Variants in MBNL2 observed in about 807,000 individuals in gnomAD.
MBNL2 encodes the protein muscleblind-like protein 2.
In MBNL2, 17 loss-of-function variants were observed where a neutral mutation model predicts 41.9. The ratio of observed to expected loss-of-function variants is 0.41; its 90% CI spans 0.28 to 0.61. The LOEUF (loss-of-function observed/expected upper bound fraction) is 0.61. Among genes scored for constraint, MBNL2 ranks in the 20% least tolerant of loss-of-function variants. The pLI is 0.35. For missense variants in MBNL2, 336 were observed against 505.6 expected (o/e 0.66, Z 3.22); for synonymous variants, 195 against 182.9 (o/e 1.07, Z -0.53).
At chr13:97,239,464 TCA>T (rs935773791) in intron 1 of MBNL2, among the ~76,000 whole-genome samples, 3 of 152,246 alleles carry the variant, frequency 2.0e-5, no homozygotes, top group African/African-American at 7.2e-5. Flanking sequence ...TGAGTCATAC[TCA>T]CAGAAATCCA....
At chr13:97,219,608 T>C (rs1276447870), upstream of MBNL2, among the ~76,000 whole-genome samples, 1 of 152,136 alleles carries the variant, frequency 6.6e-6, no homozygotes, top group Admixed American at 6.5e-5. Flanking sequence ...CTCTTTCTGG[T>C]GTCTCAGAAG....
intron 1 of MBNL2, among the ~76,000 whole-genome samples, chr13:97,261,592 G>A (rs1416293411): frequency 1.3e-5 from 2 of 152,190 alleles, no homozygotes; most frequent in Non-Finnish European, 2.9e-5. Context: ...CTCTTTCGCT[G>A]AAGTTGTGCC....
Position 97,286,858 on chromosome 13 carries a change from C to T in MBNL2, c.174+10449C>T, listed in dbSNP as rs532054740. Among the ~76,000 whole-genome samples, 17 of 152,290 alleles carry T rather than the reference C, an allele frequency of 1.1e-4. No homozygotes were observed. In the South Asian group the frequency reaches 1.7e-3, roughly 15 times the overall value. ...CACCCCTGGAATTATCTTTACGTGA[C>T]GCTGTCTATCTACTGTGTCTCTCCA... is the stretch of plus-strand genomic sequence containing the variant. On this transcript the variant is annotated intron_variant, in intron 2 of 8. Coordinates refer to ENST00000679496, the MANE Select transcript of MBNL2 (RefSeq NM_001382683.1).
chr13:97,321,091 C>G (rs2153040786), intron 2 of MBNL2, among the ~76,000 whole-genome samples: 1 of 152,302 alleles, frequency 6.6e-6, no homozygotes, highest in Middle Eastern at 3.4e-3. Context: ...CTACTTCCAA[C>G]TAGGATCCCA....
At chr13:97,236,752 T>C (rs981764258) in intron 1 of MBNL2, among the ~76,000 whole-genome samples, 3 of 152,192 alleles carry the variant, frequency 2.0e-5, no homozygotes, top group Admixed American at 6.5e-5. Flanking sequence ...CATTCTACCC[T>C]GGACCAGACG....
At chr13:97,242,483 T>G (rs1176202654) in intron 1 of MBNL2, among the ~76,000 whole-genome samples, 1 of 152,136 alleles carries the variant, frequency 6.6e-6, no homozygotes, top group African/African-American at 2.4e-5. Context: ...AGTAGAGGCA[T>G]CAACAATCCT....
the MBNL2 span, among the ~76,000 whole-genome samples, chr13:97,183,657 C>A: frequency 6.6e-6 from 1 of 152,202 alleles, no homozygotes; most frequent in Admixed American, 6.5e-5. Context: ...AAGCACCTTG[C>A]CCAGCTCTGA....
intron 1 of MBNL2, among the ~76,000 whole-genome samples, chr13:97,236,654 C>A (rs1457778908): frequency 6.6e-6 from 1 of 151,800 alleles, no homozygotes; most frequent in Non-Finnish European, 1.5e-5. Flanking sequence ...TTATTCATTT[C>A]TCTCTTCTGG....
At chr13:97,173,332 A>G in the MBNL2 span, among the ~76,000 whole-genome samples, 1 of 152,236 alleles carries the variant, frequency 6.6e-6, no homozygotes, top group Non-Finnish European at 1.5e-5. Context: ...TGTCAGGCAA[A>G]TATGGACTAG....
chr13:97,386,856 C>T (rs2065960541), intron 8 of MBNL2, among the ~76,000 whole-genome samples: 3 of 151,970 alleles, frequency 2.0e-5, no homozygotes, highest in Non-Finnish European at 4.4e-5. Flanking sequence ...TATTGATAAG[C>T]AGACTCCATT....
chr13:97,152,463 A>AT, the MBNL2 span, among the ~76,000 whole-genome samples: 1 of 152,184 alleles, frequency 6.6e-6, no homozygotes, highest in Non-Finnish European at 1.5e-5. Context: ...AACACAATGG[A>AT]TAAAAAAGGC....
At chr13:97,373,039 T>G (rs1302204562) in intron 8 of MBNL2, among the ~76,000 whole-genome samples, 2 of 152,144 alleles carry the variant, frequency 1.3e-5, no homozygotes, top group Non-Finnish European at 2.9e-5. Flanking sequence ...TAGGATCCTG[T>G]CCTCTCTCTC....
intron 2 of MBNL2, among the ~76,000 whole-genome samples, chr13:97,332,001 A>C (rs548715544): frequency 2.0e-5 from 3 of 152,372 alleles, no homozygotes; most frequent in African/African-American, 7.2e-5. Flanking sequence ...CATTACATTA[A>C]AAAACTAGTG....
chr13:97,148,993 A>G, the MBNL2 span, among the ~76,000 whole-genome samples: 83 of 152,338 alleles, frequency 5.4e-4, no homozygotes, highest in South Asian at 1.0e-3. Flanking sequence ...CTCAACTCTG[A>G]ACTTGGGGAC....
At chr13:97,248,267 G>A (rs376411108) in intron 1 of MBNL2, among the ~76,000 whole-genome samples, 19 of 152,264 alleles carry the variant, frequency 1.2e-4, no homozygotes, top group East Asian at 7.7e-4. Flanking sequence ...GACTACAGGC[G>A]TGTGCCACCA....
the MBNL2 span, among the ~76,000 whole-genome samples, chr13:97,209,588 T>C: frequency 6.6e-6 from 1 of 152,218 alleles, no homozygotes; most frequent in African/African-American, 2.4e-5. Context: ...CCCCTTTGTC[T>C]TCTTTGAGAA....
At chr13:97,330,808 C>G (rs574994740) in intron 2 of MBNL2, among the ~76,000 whole-genome samples, 1 of 152,124 alleles carries the variant, frequency 6.6e-6, no homozygotes, top group Non-Finnish European at 1.5e-5. Context: ...AATAGCTTAT[C>G]CATTAGGATT....
At chr13:97,202,639 G>A in the MBNL2 span, among the ~76,000 whole-genome samples, 2 of 152,088 alleles carry the variant, frequency 1.3e-5, no homozygotes, top group African/African-American at 4.8e-5. Context: ...TTAAATTAAA[G>A]ACGTGAATAC....
chr13:97,350,632 G>T (rs142000124), intron 5 of MBNL2, among the ~76,000 whole-genome samples: 381 of 152,336 alleles, frequency 2.5e-3, no homozygotes, highest in African/African-American at 9.0e-3. Flanking sequence ...TCTTAGCCAA[G>T]AGTAGAACCC....
Sources: allele counts gnomAD v4.1 joint callset (sites outside exome capture counted in the v4.1 genomes callset), GRCh38; gene constraint gnomAD v4.1.1; transcripts MANE v1.5; gene names NCBI Gene and HGNC (gene_info 2026-07-23, HGNC 2026-07-21).